GLRB: variants seen among roughly 807,000 people sequenced by gnomAD.
GLRB encodes glycine receptor subunit beta.
Under a neutral mutation model 54.2 loss-of-function variants are expected in GLRB, and 33 were observed. The ratio of observed to expected loss-of-function variants is 0.61; its 90% confidence interval spans 0.46 to 0.81. GLRB has a LOEUF of 0.81. Among genes scored for constraint, GLRB ranks in the 40% least tolerant of loss-of-function variants. The pLI, the probability that GLRB is intolerant of heterozygous loss-of-function variation, is 0.00. For missense variants in GLRB, 572 were observed against 584.6 expected (o/e 0.98, Z 0.22); for synonymous variants, 209 against 208.2 (o/e 1.00, Z -0.03).
chr4:157,122,268 CTA>C, intron 3 of GLRB, 60 bp from the exon 4 acceptor site: 2 of 675,930 alleles, frequency 3.0e-6, no homozygotes. Flanking sequence ...ACCAAAAAAA[CTA>C]TGATGATTCT....
intron 9 of GLRB, among the ~76,000 whole-genome samples, chr4:157,157,654 T>G (rs1737287354): frequency 1.3e-5 from 2 of 152,200 alleles, no homozygotes; most frequent in Non-Finnish European, 1.5e-5. Context: ...TCCGTGTCCC[T>G]ACATAGGACA....
chr4:157,168,997 A>G (rs1737819585), intron 9 of GLRB, among the ~76,000 whole-genome samples: 1 of 152,094 alleles, frequency 6.6e-6, no homozygotes, highest in African/African-American at 2.4e-5. Flanking sequence ...GGAAATATAT[A>G]TATAAATATA....
intron 2 of GLRB, among the ~76,000 whole-genome samples, chr4:157,079,002 G>C (rs952613374): frequency 4.6e-5 from 7 of 152,168 alleles, no homozygotes; most frequent in Non-Finnish European, 1.0e-4. Flanking sequence ...TCCAACTCCT[G>C]ACCCTGGGTG....
chr4:157,143,895 T>G lies in GLRB; in HGVS notation c.840T>G (p.Ile280Met), dbSNP rs1312992632. Reference sequence around the variant, plus strand: ...GGGTCTACGCCCCAACTCTGCTCATTGTTGTTCTCTCCTGGCTTTCCTTCT... The same window carrying G: ...GGGTCTACGCCCCAACTCTGCTCATGGTTGTTCTCTCCTGGCTTTCCTTCT... Reference protein sequence around the residue: ...MMGVYAPTLLIVVLSWLSFWI... With the variant: ...MMGVYAPTLLMVVLSWLSFWI... Residue 280 changes from isoleucine to methionine, a missense_variant, in exon 8 of 10, where the codon ATT (isoleucine) becomes ATG (methionine). Physicochemically the swap from Ile to Met is conservative, Grantham distance 10. Transcript: ENST00000264428. 6.2e-7 allele frequency: 1 copy of G among 1,613,998 alleles called. No individual in the cohort carries two copies. The highest frequency in any genetic ancestry group is 1.3e-5 in the African/African-American group (1 of 75,026).
chr4:157,163,788 A>G (rs1324116753), intron 9 of GLRB, among the ~76,000 whole-genome samples: 2 of 150,760 alleles, frequency 1.3e-5, no homozygotes, highest in Non-Finnish European at 2.9e-5. Context: ...CCCCAGGCTC[A>G]TCTGCTTCCT....
At chr4:157,098,916 C>A (rs1734915514) in intron 2 of GLRB, among the ~76,000 whole-genome samples, 1 of 151,952 alleles carries the variant, frequency 6.6e-6, no homozygotes. Context: ...CTGAAAATCA[C>A]TTTTTTCATA....
intron 2 of GLRB, among the ~76,000 whole-genome samples, chr4:157,082,184 T>C (rs1734244757): frequency 6.6e-6 from 1 of 152,170 alleles, no homozygotes; most frequent in African/African-American, 2.4e-5. Flanking sequence ...ATCCAACATT[T>C]TAATCTGATT....
At position 157,120,579 on chromosome 4, in the gene GLRB, C is replaced by G. The variant is rs141963848; in HGVS notation, c.146C>G (p.Ala49Gly). The change falls in exon 3 of 10, where the codon GCC becomes GGC. Residue 49 changes from alanine (A) to glycine (G), a missense_variant. Coordinates refer to ENST00000264428, the MANE Select transcript of GLRB (RefSeq NM_000824.5). ...AGTCAGCAGTCAGCAGAGGACCTTG[C>G]CCGAGTACCTGCCAACTCCACTAGC... ...CPSQQSAEDLARVPANSTSNI... is the reference protein window; with the variant it reads ...CPSQQSAEDLGRVPANSTSNI... The G allele has an allele frequency of 2.5e-6, 4 of 1,596,448 alleles. No homozygotes were observed. The highest frequency in any genetic ancestry group is 3.4e-6 in the Non-Finnish European group (4 of 1,166,178).
At chr4:157,102,144 G>T (rs1303511048) in intron 2 of GLRB, among the ~76,000 whole-genome samples, 1 of 152,180 alleles carries the variant, frequency 6.6e-6, no homozygotes, top group East Asian at 1.9e-4. Flanking sequence ...TACATACAGT[G>T]TGGATTGTTT....
intron 2 of GLRB, among the ~76,000 whole-genome samples, chr4:157,113,389 A>G (rs148735260): frequency 3.3e-5 from 5 of 151,920 alleles, no homozygotes; most frequent in Non-Finnish European, 5.9e-5. Context: ...TTTGGAGATC[A>G]TTAGCAAACC....
At chr4:157,099,823 A>G (rs1279737233) in intron 2 of GLRB, among the ~76,000 whole-genome samples, 1 of 152,116 alleles carries the variant, frequency 6.6e-6, no homozygotes, top group Admixed American at 6.5e-5. Flanking sequence ...TAATAACTTG[A>G]TATTATTGGT....
At chr4:157,126,893 T>C (rs1475077028) in intron 4 of GLRB, among the ~76,000 whole-genome samples, 1 of 151,968 alleles carries the variant, frequency 6.6e-6, no homozygotes, top group African/African-American at 2.4e-5. Context: ...TTATACAATC[T>C]ATTTTCTTTC....
At chr4:157,084,519 T>A (rs1284751464) in intron 2 of GLRB, 1 of 442,824 alleles carries the variant, frequency 2.3e-6, no homozygotes, top group African/African-American at 2.0e-5. Context: ...TTAAAATAAT[T>A]ACATAAATAA....
chr4:157,086,532 T>A (rs1244622099), intron 2 of GLRB, among the ~76,000 whole-genome samples: 1 of 152,218 alleles, frequency 6.6e-6, no homozygotes, highest in Non-Finnish European at 1.5e-5. Flanking sequence ...TTTACACGAA[T>A]GTGAAAGTCT....
chr4:157,128,709 C>A (rs1736106297), intron 4 of GLRB, among the ~76,000 whole-genome samples: 1 of 151,796 alleles, frequency 6.6e-6, no homozygotes, highest in East Asian at 2.0e-4. Context: ...ATTGAAGAAT[C>A]TTTAATTATA....
At chr4:157,090,336 T>G (rs933340108) in intron 2 of GLRB, among the ~76,000 whole-genome samples, 1 of 152,130 alleles carries the variant, frequency 6.6e-6, no homozygotes, top group South Asian at 2.1e-4. Context: ...AAGAAAAAAA[T>G]TAATGAAAAG....
At chr4:157,160,396 G>C (rs1298095695) in intron 9 of GLRB, among the ~76,000 whole-genome samples, 1 of 151,944 alleles carries the variant, frequency 6.6e-6, no homozygotes, top group African/African-American at 2.4e-5. Context: ...TTTTGCTCTT[G>C]CTTCTCTAGT....
chr4:157,134,910 A>G (rs1161648526), intron 4 of GLRB, among the ~76,000 whole-genome samples: 1 of 152,160 alleles, frequency 6.6e-6, no homozygotes, highest in Non-Finnish European at 1.5e-5. Context: ...AGACTAAAAG[A>G]AAAACACAAT....
At chr4:157,105,313 A>G (rs1735182826) in intron 2 of GLRB, among the ~76,000 whole-genome samples, 1 of 151,930 alleles carries the variant, frequency 6.6e-6, no homozygotes, top group African/African-American at 2.4e-5. Context: ...GTTAATTTCA[A>G]CATGTGTCAA....
Sources: gnomAD v4.1 joint callset for allele counts (sites outside exome capture counted in the v4.1 genomes callset) on GRCh38, gnomAD v4.1.1 for gene constraint, MANE v1.5 for transcripts, NCBI Gene and HGNC (gene_info 2026-07-23, HGNC 2026-07-21) for gene names.